NOTCH3: variants seen among roughly 807,000 people sequenced by gnomAD.
NOTCH3 encodes neurogenic locus notch homolog protein 3.
In NOTCH3, 86 loss-of-function variants were observed where a neutral mutation model predicts 213.3. That is an observed-to-expected ratio of 0.40 (90% CI 0.34 to 0.48). The LOEUF (loss-of-function observed/expected upper bound fraction) is 0.48, where lower values mean the gene tolerates loss of function less well. NOTCH3 is among the 20% of genes least tolerant of loss of function. NOTCH3 has a pLI of 0.57. For synonymous variants in NOTCH3, 1,354 were observed against 1,355.9 expected (o/e 1.00, Z 0.03); for missense variants, 2,783 against 3,272.6 (o/e 0.85, Z 3.65).
chr19:15,187,828 G>T, intron 10 of NOTCH3, 53 bp downstream of exon 10: 2 of 1,412,886 alleles, frequency 1.4e-6, no homozygotes, highest in Non-Finnish European at 2.0e-6. Context: ...TGGCCCTGTC[G>T]CCCACAAGCC....
At chr19:15,198,248 T>C (rs2145452687) in intron 1 of NOTCH3, among the ~76,000 whole-genome samples, 1 of 152,310 alleles carries the variant, frequency 6.6e-6, no homozygotes, top group South Asian at 2.1e-4. Context: ...AGTCTAACTG[T>C]CCTGCCAGAA....
Position 15,170,478 on chromosome 19 carries a change from A to C in NOTCH3, c.4967T>G (p.Val1656Gly), listed in dbSNP as rs760349840. 1 of 1,607,060 alleles carries C rather than the reference A, an allele frequency of 6.2e-7. No homozygotes were observed. The highest frequency in any genetic ancestry group is 8.5e-7 in the Non-Finnish European group (1 of 1,179,930). The change falls in exon 27 of 33, where the codon GTC (valine) becomes GGC (glycine). Residue 1656 changes from valine to glycine, a missense_variant. This residue lies in a region of NOTCH3 where 636 missense variants were observed against 801.8 expected (regional missense o/e 0.79). Transcript: ENST00000263388. ...CACCATGACACCCAGGACGAGAATG[A>C]CCAGCAGCAAGACAGCGCCCGCCAC... ...LLVAGAVLLL[V>G]ILVLGVMVAR...
chr19:15,160,635 C>T lies in NOTCH3; in HGVS notation c.*27G>A. The T allele has an allele frequency of 6.3e-7, 1 of 1,580,886 alleles. No homozygotes were observed. The highest frequency in any genetic ancestry group is 8.7e-7 in the Non-Finnish European group (1 of 1,149,792). On this transcript the variant is annotated 3_prime_UTR_variant, in exon 33 of 33. Transcript: ENST00000263388. ...GGCAGGACGGGGGTCTCTTTAGGCC[C>T]CCAAGATCTAAGAACTGACGAGCGT...
rs943905475 is a variant in NOTCH3 at position 15,185,788 on chromosome 19, T to C, written c.1952-109A>G. The C allele has an allele frequency of 6.8e-6, 7 of 1,032,116 alleles. No individual in the cohort carries two copies. The highest frequency in any genetic ancestry group is 6.3e-5 in the African/African-American group (4 of 63,534). 63.9% of individuals were successfully genotyped at this position (1,032,116 alleles called of 1,614,324 possible). ...CCCACACCCCCGAGCAATGACCTCTTTTTCATAACGCATCAGCTCTTGTGC... is the reference window on the plus strand; with the variant it reads ...CCCACACCCCCGAGCAATGACCTCTCTTTCATAACGCATCAGCTCTTGTGC... On this transcript the variant is annotated intron_variant, in intron 12 of 32. Coordinates refer to ENST00000263388, the MANE Select transcript of NOTCH3 (RefSeq NM_000435.3). This position sits in a 1 kb window ranked among gnomAD's most constrained non-coding sequence, Gnocchi z 4.2.
Position 15,185,030 on chromosome 19 carries a change from T to C in NOTCH3, c.2297-11A>G, listed in dbSNP as rs551810190. 20 of 1,427,890 alleles carry C rather than the reference T, an allele frequency of 1.4e-5. No homozygotes were observed. The African/African-American group carries it at 1.6e-4, about 11-fold the overall frequency. 88.5% of individuals were successfully genotyped at this position (1,427,890 alleles called of 1,614,324 possible). On this transcript the variant is annotated splice_polypyrimidine_tract_variant and intron_variant, in intron 14 of 32. Transcript: ENST00000263388. The surrounding 1 kb of genome is among the most constrained non-coding windows in gnomAD (Gnocchi z 4.2). Reference sequence around the variant, plus strand: ...GTTCACACTGACGTCCTGTTGGGGGTGGAAGAGAGGGAAGCAGAGATAGCC... The same window carrying C: ...GTTCACACTGACGTCCTGTTGGGGGCGGAAGAGAGGGAAGCAGAGATAGCC...
At position 15,165,466 on chromosome 19, in the gene NOTCH3, C is replaced by T. The variant is rs2145391128; in HGVS notation, c.5717G>A (p.Gly1906Asp). ...STDLDARMAD[G>D]STALILAARL... is the part of the protein sequence containing the mutation. ...GGCCGCCAGGATCAGTGCCGTTGAG[C>T]CATCTGCCATGCGGGCATCCAAGTC... is the stretch of plus-strand genomic sequence containing the variant. Residue 1906 changes from glycine (G) to aspartate (D), a missense_variant, in exon 31 of 33, where the codon GGC becomes GAC. Physicochemically the swap from Gly to Asp is moderately conservative, Grantham distance 94. Around this residue, in one of 6 missense-constraint regions of NOTCH3, gnomAD observed 636 missense variants for 801.8 expected, o/e 0.79. Coordinates refer to ENST00000263388, the MANE Select transcript of NOTCH3 (RefSeq NM_000435.3). The surrounding 1 kb of genome is among the most constrained non-coding windows in gnomAD (Gnocchi z 4.7). 6 of 1,612,966 alleles carry T rather than the reference C, an allele frequency of 3.7e-6. No homozygotes were observed. Among genetic ancestry groups the T allele is most frequent in the Non-Finnish European group, 5.1e-6 (6 of 1,180,024 alleles).
chr19:15,185,503 A>G lies in NOTCH3; in HGVS notation c.2128T>C (p.Tyr710His). ...GGCCCTCACCCGCCAGGTGCATCAT[A>G]GCAGATGCCGTGACTGCAGGGCTCA... ...AHEPCSHGICYDAPGGFRCVC... is the reference protein window; with the variant it reads ...AHEPCSHGICHDAPGGFRCVC... The change falls in exon 13 of 33, where the codon TAT (tyrosine) becomes CAT (histidine). Residue 710 changes from tyrosine (Y) to histidine (H), a missense_variant. Transcript: ENST00000263388. The surrounding 1 kb of genome is among the most constrained non-coding windows in gnomAD (Gnocchi z 4.2). 6.2e-7 allele frequency: 1 copy of G among 1,613,026 alleles called. No homozygotes were observed. Among genetic ancestry groups the G allele is most frequent in the African/African-American group, 1.3e-5 (1 of 74,686 alleles).
chr19:15,183,821 C>G (rs907185964), intron 16 of NOTCH3, among the ~76,000 whole-genome samples: 1 of 151,976 alleles, frequency 6.6e-6, no homozygotes, highest in Admixed American at 6.6e-5. Context: ...GAGGTGGAGA[C>G]AGGTAGATTG....
chr19:15,180,369 C>A, intron 19 of NOTCH3, 113 bp from the exon 20 acceptor site: 2 of 1,180,296 alleles, frequency 1.7e-6, no homozygotes, highest in South Asian at 2.6e-5. Flanking sequence ...GGATCGCACC[C>A]ACACTCCATC....
intron 2 of NOTCH3, among the ~76,000 whole-genome samples, chr19:15,194,655 T>C (rs896555080): frequency 6.6e-6 from 1 of 151,694 alleles, no homozygotes. Context: ...GAACAGCAAA[T>C]GAAAAGTCTC....
intron 24 of NOTCH3, 42 bp from the exon 25 acceptor site, chr19:15,174,442 T>A (rs1599375049): frequency 6.3e-6 from 9 of 1,432,144 alleles, no homozygotes; most frequent in African/African-American, 1.4e-5. Context: ...GAGTCAGGGG[T>A]CAGAGGAGAC....
At chr19:15,178,433 G>T in intron 23 of NOTCH3, 1 of 433,336 alleles carries the variant, frequency 2.3e-6, no homozygotes, top group South Asian at 2.5e-5. Context: ...CAGTCGCCAG[G>T]CTGGAGTGCA....
rs1044143019 is a variant in NOTCH3, at chr19:15,179,268, T to C, written c.3475A>G (p.Ile1159Val). The change falls in exon 22 of 33, where the codon ATT becomes GTT. Residue 1159 changes from isoleucine to valine, a missense_variant. This residue lies in a region of NOTCH3 where 861 missense variants were observed against 909.1 expected (regional missense o/e 0.95). Transcript: ENST00000263388. ...CCTGGGCCGCAGTCATCCTCATTAA[T>C]CTCGCAGAGCACCCCTGGGGGAAGA... ...PPGTLGVLCEINEDDCGPGPP... is the reference protein window; with the variant it reads ...PPGTLGVLCEVNEDDCGPGPP... 21 of 1,613,770 alleles carry C rather than the reference T, an allele frequency of 1.3e-5. No homozygotes were observed. The highest frequency in any genetic ancestry group is 5.3e-5 in the African/African-American group (4 of 74,902).
At position 15,192,241 on chromosome 19, in the gene NOTCH3, C is replaced by G. The variant is rs151016108; in HGVS notation, c.398G>C (p.Arg133Pro). Residue 133 changes from arginine to proline, a missense_variant, in exon 4 of 33, where the codon CGC (arginine) becomes CCC (proline). Physicochemically the swap from Arg to Pro is moderately radical, Grantham distance 103 (BLOSUM62 -2). Coordinates refer to ENST00000263388, the MANE Select transcript of NOTCH3 (RefSeq NM_000435.3). ...GCGTCCATCGGGCCCCACTGAGCAG[C>G]GGGCACCGTGGGCACAAGGGCTGCT... Reference protein sequence around the residue: ...CLSSPCAHGARCSVGPDGRFL... With the variant: ...CLSSPCAHGAPCSVGPDGRFL... The G allele has an allele frequency of 4.4e-6, 7 of 1,603,980 alleles. No individual in the cohort carries two copies. In the Admixed American group the frequency reaches 8.6e-5, roughly 20 times the overall value.
At chr19:15,164,663 C>T (rs929299213) in intron 31 of NOTCH3, among the ~76,000 whole-genome samples, 9 of 152,094 alleles carry the variant, frequency 5.9e-5, no homozygotes, top group African/African-American at 2.2e-4. Flanking sequence ...GGCTACTATA[C>T]TGGACAGTGC....
At chr19:15,199,128 G>A (rs2046991530) in intron 1 of NOTCH3, among the ~76,000 whole-genome samples, 1 of 152,218 alleles carries the variant, frequency 6.6e-6, no homozygotes, top group South Asian at 2.1e-4. Context: ...CTGAGCTGTA[G>A]GCAATGTGAG....
rs1309726793 is a variant in NOTCH3, at chr19:15,177,547, C to T, written c.4381G>A (p.Gly1461Ser). The change falls in exon 24 of 33, where the codon GGT (glycine) becomes AGT (serine). Residue 1461 changes from glycine (G) to serine (S), a missense_variant. Transcript: ENST00000263388. ...CLYDNFDCHAGGRERTCNPVY... is the reference protein window; with the variant it reads ...CLYDNFDCHASGRERTCNPVY... ...CACTTGCAAGTGCGCTCGCGGCCAC[C>T]GGCGTGGCAGTCGAAGTTGTCGTAG... The T allele has an allele frequency of 3.1e-6, 5 of 1,610,046 alleles. No individual in the cohort carries two copies. Among genetic ancestry groups the T allele is most frequent in the African/African-American group, 1.3e-5 (1 of 74,848 alleles).
Position 15,185,593 on chromosome 19 carries a change from G to T in NOTCH3, c.2038C>A (p.Arg680Ser). 1 of 1,613,634 alleles carries T rather than the reference G, an allele frequency of 6.2e-7. No homozygotes were observed. The highest frequency in any genetic ancestry group is 8.5e-7 in the Non-Finnish European group (1 of 1,180,004). Residue 680 changes from arginine (R) to serine (S), a missense_variant, in exon 13 of 33, where the codon CGC (arginine) becomes AGC (serine). By Grantham distance (110) the Arg-to-Ser change is moderately radical. Around this residue, in one of 6 missense-constraint regions of NOTCH3, gnomAD observed 861 missense variants for 909.1 expected, o/e 0.95. Transcript: ENST00000263388. The surrounding 1 kb of genome is among the most constrained non-coding windows in gnomAD (Gnocchi z 4.2). ...GSCVDGENGFRCLCPPGSLPP... is the reference protein window; with the variant it reads ...GSCVDGENGFSCLCPPGSLPP... Reference sequence around the variant, plus strand: ...AAGGAGCCAGGCGGGCAGAGGCAGCGGAAGCCATTTTCCCCATCCACACAG... The same window carrying T: ...AAGGAGCCAGGCGGGCAGAGGCAGCTGAAGCCATTTTCCCCATCCACACAG...
intron 29 of NOTCH3, among the ~76,000 whole-genome samples, chr19:15,166,915 G>C (rs185956430): frequency 6.6e-6 from 1 of 151,048 alleles, no homozygotes; most frequent in East Asian, 2.0e-4. Flanking sequence ...ATGAGCACGT[G>C]ACCCTAGTCT....
Sources: gnomAD v4.1 joint callset for allele counts (sites outside exome capture counted in the v4.1 genomes callset) on GRCh38, gnomAD v4.1.1 for gene constraint, gnomAD v4.1.1 regional missense constraint, Gnocchi (gnomAD v3.1) non-coding constraint, MANE v1.5 for transcripts, NCBI Gene and HGNC (gene_info 2026-07-23, HGNC 2026-07-21) for gene names.